Variants in TTC1 observed in about 807,000 individuals in gnomAD.
TTC1 encodes tetratricopeptide repeat domain 1, also known as tetratricopeptide repeat protein 1.
A neutral mutation model predicts 37.6 loss-of-function variants in TTC1; 31 were observed. The ratio of observed to expected loss-of-function variants is 0.82; its 90% CI spans 0.62 to 1.11. The LOEUF (loss-of-function observed/expected upper bound fraction) is 1.11. Among genes scored for constraint, TTC1 ranks in the 50% most tolerant of loss-of-function variants. The pLI is 0.00. For synonymous variants in TTC1, 127 were observed against 122.4 expected (o/e 1.04, Z -0.25); for missense variants, 351 against 339.0 (o/e 1.04, Z -0.28).
chr5:160,058,928 T>C lies in TTC1; in HGVS notation c.746-6004T>C, dbSNP rs13171202. Among the ~76,000 whole-genome samples the C allele has an allele frequency of 2.6e-3, 391 of 152,296 alleles. 1 individual carries two copies. Among genetic ancestry groups the C allele is most frequent in the Admixed American group, 6.3e-3 (97 of 15,298 alleles). On this transcript the variant is annotated intron_variant, in intron 7 of 7. Transcript: ENST00000231238. ...GTAGGTCTCAACAATAGGCTTAAAA[T>C]GCTCAGTAAATTATTCTATAAATAG...
At chr5:160,019,646 G>C (rs888935524) in intron 2 of TTC1, among the ~76,000 whole-genome samples, 1 of 145,134 alleles carries the variant, frequency 6.9e-6, no homozygotes, top group Non-Finnish European at 1.5e-5. Flanking sequence ...GGAGTGCAGC[G>C]GTGCGATCTC....
chr5:160,009,494 CTG>C (rs963779586), intron 1 of TTC1, among the ~76,000 whole-genome samples: 41 of 152,300 alleles, frequency 2.7e-4, no homozygotes, highest in African/African-American at 8.7e-4. Context: ...TCTTGCAAAT[CTG>C]TCGCAAATTT....
chr5:160,045,520 A>ACACACC (rs1202139318), intron 5 of TTC1, among the ~76,000 whole-genome samples: 1 of 54,884 alleles, frequency 1.8e-5, no homozygotes, highest in Non-Finnish European at 3.3e-5. Flanking sequence ...ACACATACAC[A>ACACACC]CTCTCTCTCT....
chr5:160,059,214 A>T (rs1424266137), intron 7 of TTC1, among the ~76,000 whole-genome samples: 1 of 152,174 alleles, frequency 6.6e-6, no homozygotes, highest in Non-Finnish European at 1.5e-5. Context: ...CACTAAAAAC[A>T]TGCTTAGTGT....
intron 5 of TTC1, among the ~76,000 whole-genome samples, chr5:160,048,979 A>G (rs1167676200): frequency 6.6e-6 from 1 of 151,890 alleles, no homozygotes; most frequent in Non-Finnish European, 1.5e-5. Context: ...TCACTCTTTC[A>G]CTGCGCACTT....
chr5:160,014,407 A>G (rs1419659356), intron 2 of TTC1, among the ~76,000 whole-genome samples: 1 of 151,514 alleles, frequency 6.6e-6, no homozygotes, highest in East Asian at 1.9e-4. Flanking sequence ...GCTCATTCCT[A>G]TAATCCCAGC....
At chr5:160,036,898 G>A in intron 4 of TTC1, 95 bp downstream of exon 4, 1 of 836,162 alleles carries the variant, frequency 1.2e-6, no homozygotes, top group Non-Finnish European at 1.9e-6. Flanking sequence ...AGAGGTTGCT[G>A]CCTCCCTTTT....
chr5:160,058,936 A>T (rs1664833970), intron 7 of TTC1, among the ~76,000 whole-genome samples: 2 of 152,168 alleles, frequency 1.3e-5, no homozygotes, highest in Non-Finnish European at 1.5e-5. Flanking sequence ...AATGCTCAGT[A>T]AATTATTCTA....
At chr5:160,040,774 AT>A (rs1036304855) in intron 4 of TTC1, among the ~76,000 whole-genome samples, 64 of 145,378 alleles carry the variant, frequency 4.4e-4, no homozygotes, top group East Asian at 1.8e-3. Flanking sequence ...TTTTCTTTTA[AT>A]TTTTTTTTTT....
At chr5:160,032,253 A>G (rs1756924828) in intron 2 of TTC1, among the ~76,000 whole-genome samples, 1 of 152,382 alleles carries the variant, frequency 6.6e-6, no homozygotes, top group South Asian at 2.1e-4. Context: ...AGAGAAGATT[A>G]TAGATCAGAA....
intron 4 of TTC1, among the ~76,000 whole-genome samples, chr5:160,037,191 A>G (rs1045875515): frequency 2.0e-5 from 3 of 152,204 alleles, no homozygotes; most frequent in African/African-American, 4.8e-5. Context: ...CTGGGCTTTA[A>G]AGCATCTTTA....
chr5:160,041,200 T>G (rs564138549), intron 4 of TTC1, among the ~76,000 whole-genome samples: 4 of 152,202 alleles, frequency 2.6e-5, no homozygotes, highest in Non-Finnish European at 5.9e-5. Flanking sequence ...CAGTACACTT[T>G]TTTTTAGTAG....
At chr5:160,022,342 T>G (rs1756726058) in intron 2 of TTC1, among the ~76,000 whole-genome samples, 1 of 152,174 alleles carries the variant, frequency 6.6e-6, no homozygotes, top group East Asian at 1.9e-4. Flanking sequence ...CTTTCTAACA[T>G]TTTGCCATGC....
intron 5 of TTC1, among the ~76,000 whole-genome samples, chr5:160,044,221 A>G (rs1757159017): frequency 6.6e-6 from 1 of 152,182 alleles, no homozygotes; most frequent in Non-Finnish European, 1.5e-5. Context: ...CACGCTAAGC[A>G]TATATTCCCC....
At chr5:160,014,998 T>A (rs1336671611) in intron 2 of TTC1, among the ~76,000 whole-genome samples, 1 of 152,186 alleles carries the variant, frequency 6.6e-6, no homozygotes, top group Non-Finnish European at 1.5e-5. Context: ...TATTTTTTTG[T>A]TATTCTTAAT....
intron 5 of TTC1, among the ~76,000 whole-genome samples, chr5:160,046,349 C>T (rs191036636): frequency 6.6e-6 from 1 of 152,262 alleles, no homozygotes; most frequent in African/African-American, 2.4e-5. Flanking sequence ...TTAAAATTCT[C>T]TCTCTTAAAT....
At chr5:160,064,557 G>A (rs1011581304) in intron 7 of TTC1, among the ~76,000 whole-genome samples, 3 of 152,218 alleles carry the variant, frequency 2.0e-5, no homozygotes, top group African/African-American at 7.2e-5. Flanking sequence ...GGCAGACCTG[G>A]CTTGGCAGGG....
chr5:160,051,776 G>C (rs1757410401), intron 7 of TTC1, among the ~76,000 whole-genome samples: 1 of 152,212 alleles, frequency 6.6e-6, no homozygotes, highest in Non-Finnish European at 1.5e-5. Context: ...ATCTGCTTAA[G>C]TAAGAGGAGT....
chr5:160,045,511 CACAT>C (rs1324004696), intron 5 of TTC1, among the ~76,000 whole-genome samples: 1,123 of 62,596 alleles, frequency 0.018, 9 homozygotes, highest in Non-Finnish European at 0.021. Flanking sequence ...CACACACACA[CACAT>C]ACACACTCTC....
Sources: allele counts gnomAD v4.1 joint callset (sites outside exome capture counted in the v4.1 genomes callset), GRCh38; gene constraint gnomAD v4.1.1; transcripts MANE v1.5; gene names NCBI Gene and HGNC (gene_info 2026-07-23, HGNC 2026-07-21).